Variants in NOS3 observed in about 807,000 individuals in gnomAD.
The protein encoded by NOS3 is nitric oxide synthase 3, also known as NOS type III.
In NOS3, 98 loss-of-function variants were observed where a neutral mutation model predicts 144.9. The observed-to-expected ratio is 0.68, with a 90% CI of 0.57 to 0.80. The LOEUF is 0.80. NOS3 is among the 30% of genes least tolerant of loss of function. NOS3 has a pLI of 0.00. For missense variants in NOS3, 1,465 were observed against 1,656.4 expected (o/e 0.88, Z 2.01); for synonymous variants, 714 against 702.4 (o/e 1.02, Z -0.26).
In NOS3 at chr7:150,998,375, T is replaced by C. The variant is rs770195521; in HGVS notation, c.601T>C (p.Cys201Arg). 6.2e-7 allele frequency: 1 copy of C among 1,612,284 alleles called. No individual in the cohort carries two copies. The highest frequency in any genetic ancestry group is 8.5e-7 in the Non-Finnish European group (1 of 1,179,824). Residue 201 changes from cysteine (C) to arginine (R), a missense_variant, in exon 6 of 27, where the codon TGC (cysteine) becomes CGC (arginine). Transcript: ENST00000297494. This position sits in a 1 kb window ranked among gnomAD's most constrained non-coding sequence, Gnocchi z 5.0. ...GGCTCAGGTGTTCGATGCCCGGGACTGCAGGTCTGCACAGGAAATGTTCAC... is the reference window on the plus strand; with the variant it reads ...GGCTCAGGTGTTCGATGCCCGGGACCGCAGGTCTGCACAGGAAATGTTCAC... ...GKLQVFDARD[C>R]RSAQEMFTYI...
rs745744386 is a variant in NOS3, at chr7:151,009,200, G to C, written c.2257G>C (p.Val753Leu). 1 of 1,613,250 alleles carries C rather than the reference G, an allele frequency of 6.2e-7. No homozygotes were observed. The highest frequency in any genetic ancestry group is 1.7e-5 in the Admixed American group (1 of 59,942). Residue 753 changes from valine to leucine, a missense_variant, in exon 19 of 27, where the codon GTG becomes CTG. Transcript: ENST00000297494. The part of the protein sequence containing the change: ...GLQLLPGLIH[V>L]HRRKMFQATI... Reference sequence around the variant, plus strand: ...CTCCCCGCCCCCAGGTCTGATCCACGTGCACAGGCGGAAGATGTTCCAGGC... The same window carrying C: ...CTCCCCGCCCCCAGGTCTGATCCACCTGCACAGGCGGAAGATGTTCCAGGC...
chr7:150,995,036 C>T (rs984507659), intron 2 of NOS3, among the ~76,000 whole-genome samples, 167 bp from the exon 3 acceptor site: 13 of 152,156 alleles, frequency 8.5e-5, no homozygotes, highest in African/African-American at 2.4e-4. Flanking sequence ...GGTCTATAAA[C>T]GGAGGCACAG....
chr7:150,995,065 G>A, intron 2 of NOS3, 138 bp from the exon 3 acceptor site: 3 of 570,476 alleles, frequency 5.3e-6, no homozygotes, highest in Non-Finnish European at 6.4e-6. Context: ...TAGCTCCTAA[G>A]GCATGGGGAA....
rs763096145 is a variant in NOS3 at position 150,998,382 on chromosome 7, C to A, written c.608C>A (p.Ser203Tyr). 3.7e-6 allele frequency: 6 copies of A among 1,612,388 alleles called. No individual in the cohort carries two copies. The highest frequency in any genetic ancestry group is 5.1e-6 in the Non-Finnish European group (6 of 1,179,828). The change falls in exon 6 of 27, where the codon TCT becomes TAT. Residue 203 changes from serine (S) to tyrosine (Y), a missense_variant. Coordinates refer to ENST00000297494, the MANE Select transcript of NOS3 (RefSeq NM_000603.5). This position sits in a 1 kb window ranked among gnomAD's most constrained non-coding sequence, Gnocchi z 5.0. ...LQVFDARDCRSAQEMFTYICN... is the reference protein window; with the variant it reads ...LQVFDARDCRYAQEMFTYICN... Reference sequence around the variant, plus strand: ...GTGTTCGATGCCCGGGACTGCAGGTCTGCACAGGAAATGTTCACCTACATC... The same window carrying A: ...GTGTTCGATGCCCGGGACTGCAGGTATGCACAGGAAATGTTCACCTACATC...
chr7:151,010,050 C>A, intron 20 of NOS3, 65 bp from the exon 21 acceptor site: 3 of 1,024,590 alleles, frequency 2.9e-6, no homozygotes, highest in Non-Finnish European at 4.5e-6. Context: ...AAAACACAAA[C>A]ATCAGCCCAG....
intron 24 of NOS3, 176 bp downstream of exon 24, chr7:151,012,648 A>C: frequency 6.0e-6 from 4 of 667,268 alleles, no homozygotes; most frequent in Non-Finnish European, 9.8e-6. Flanking sequence ...CTGGGCCCTG[A>C]GCTTCTGGCT....
In NOS3 at chr7:150,993,781, C is replaced by T. The variant is rs1428418449; in HGVS notation, c.-23C>T. The T allele has an allele frequency of 6.3e-7, 1 of 1,579,548 alleles. No homozygotes were observed. Among genetic ancestry groups the T allele is most frequent in the South Asian group, 1.2e-5 (1 of 85,762 alleles). On this transcript the variant is annotated 5_prime_UTR_variant, in exon 2 of 27. Coordinates refer to ENST00000297494, the MANE Select transcript of NOS3 (RefSeq NM_000603.5). The surrounding 1 kb of genome is among the most constrained non-coding windows in gnomAD (Gnocchi z 4.0). ...AAGGCCAGGGCTCTGCTGGAGCAGG[C>T]AGCAGAGTGGACGCACAGTAACATG...
Position 151,003,097 on chromosome 7 carries a change from T to C in NOS3, c.1752+793T>C. On this transcript the variant is annotated intron_variant, in intron 14 of 26. Transcript: ENST00000297494. This position sits in a 1 kb window ranked among gnomAD's most constrained non-coding sequence, Gnocchi z 4.1. Reference sequence around the variant, plus strand: ...TCCAGCTTCTAGGTGTTAAAGGCCTTATTAGCACTAAGTACTTCCTCAGTA... The same window carrying C: ...TCCAGCTTCTAGGTGTTAAAGGCCTCATTAGCACTAAGTACTTCCTCAGTA... 4.5e-6 allele frequency: 2 copies of C among 440,392 alleles called. No homozygotes were observed. Among genetic ancestry groups the C allele is most frequent in the South Asian group, 3.3e-5 (2 of 61,102 alleles). The allele number at this position is 440,392 out of a possible 1,614,324, so 27.3% of individuals were successfully genotyped here. A position where few individuals can be genotyped will look rare whatever the true frequency, so the allele number is the denominator to read the frequency against.
At position 150,993,404 on chromosome 7, in the gene NOS3, C is replaced by G. The variant is rs1181571503; in HGVS notation, c.-51-349C>G. Among the ~76,000 whole-genome samples, 1 of 152,186 alleles carries G rather than the reference C, an allele frequency of 6.6e-6. No homozygotes were observed. The highest frequency in any genetic ancestry group is 1.5e-5 in the Non-Finnish European group (1 of 68,012). ...CTGCCCAACCCTCCAGGGAAAGGCA[C>G]ACAGGGGTGAGGCCGAAGGCCCTTC... On this transcript the variant is annotated intron_variant, in intron 1 of 26. Transcript: ENST00000297494. This position sits in a 1 kb window ranked among gnomAD's most constrained non-coding sequence, Gnocchi z 4.0.
intron 10 of NOS3, 104 bp downstream of exon 10, chr7:151,000,703 T>C: frequency 2.7e-6 from 2 of 752,996 alleles, no homozygotes; most frequent in Non-Finnish European, 4.6e-6. Flanking sequence ...GGGCAGGATT[T>C]GGACAGGCAG....
chr7:151,004,543 AT>A (rs1170835613), intron 14 of NOS3, among the ~76,000 whole-genome samples: 1 of 152,240 alleles, frequency 6.6e-6, no homozygotes, highest in African/African-American at 2.4e-5. Context: ...ACTGGAAACA[AT>A]TCAAATGACC....
intron 25 of NOS3, 78 bp from the exon 26 acceptor site, chr7:151,013,646 C>A: frequency 7.4e-7 from 1 of 1,349,288 alleles, no homozygotes; most frequent in Non-Finnish European, 1.0e-6. Flanking sequence ...CTTTCACGTC[C>A]AGGGCCAGCC....
At chr7:151,013,561 T>G in intron 25 of NOS3, 163 bp from the exon 26 acceptor site, 4 of 287,952 alleles carry the variant, frequency 1.4e-5, no homozygotes, top group South Asian at 4.1e-5. Context: ...CTCCCGCCCC[T>G]GCCCCGCCCC....
rs764652925 is a variant in NOS3 at position 150,993,921 on chromosome 7, C to T, written c.118C>T (p.Arg40Trp). 8.7e-5 allele frequency: 137 copies of T among 1,580,706 alleles called. No homozygotes were observed. Among genetic ancestry groups the T allele is most frequent in the Middle Eastern group, 1.9e-4 (1 of 5,132 alleles). Residue 40 changes from arginine (R) to tryptophan (W), a missense_variant, in exon 2 of 27, where the codon CGG (arginine) becomes TGG (tryptophan). Coordinates refer to ENST00000297494, the MANE Select transcript of NOS3 (RefSeq NM_000603.5). The surrounding 1 kb of genome is among the most constrained non-coding windows in gnomAD (Gnocchi z 4.0). The stretch of plus-strand genomic sequence containing the variant: ...AGCCACCCCGGCCCCTGAGCCCAGC[C>T]GGGCCCCAGCATCCCTACTCCCACC... ...GPATPAPEPS[R>W]APASLLPPAP...
chr7:150,995,321 C>T lies in NOS3; in HGVS notation c.270+7C>T. 1 of 1,589,986 alleles carries T rather than the reference C, an allele frequency of 6.3e-7. No individual in the cohort carries two copies. Among genetic ancestry groups the T allele is most frequent in the Non-Finnish European group, 8.6e-7 (1 of 1,160,282 alleles). The stretch of plus-strand genomic sequence containing the variant: ...CAGCGCCCAGGCGCAGCAGGTAAGG[C>T]CGGCATGCCCTGTCCCCATCGTCTC... On this transcript the variant is annotated splice_region_variant and intron_variant, in intron 3 of 26. Coordinates refer to ENST00000297494, the MANE Select transcript of NOS3 (RefSeq NM_000603.5).
chr7:150,996,897 T>C lies in NOS3; in HGVS notation c.554T>C (p.Val185Ala), dbSNP rs768422710. The C allele has an allele frequency of 3.8e-6, 6 of 1,579,316 alleles. No individual in the cohort carries two copies. The African/African-American group carries it at 8.1e-5, about 21-fold the overall frequency. The change falls in exon 5 of 27, where the codon GTG becomes GCG. Residue 185 changes from valine (V) to alanine (A), a missense_variant. This residue lies in a region of NOS3 where 374 missense variants were observed against 377.0 expected (regional missense o/e 0.99). Transcript: ENST00000297494. ...KQAWRNAPRC[V>A]GRIQWGKLQV... ...GCCTGGCGCAACGCTCCCCGCTGCG[T>C]GGGCCGGATCCAGTGGGGGAAGCTG...
rs544148063 is a variant in NOS3 at position 151,002,869 on chromosome 7, T to G, written c.1752+565T>G. The G allele has an allele frequency of 1.4e-5, 3 of 208,604 alleles. No individual in the cohort carries two copies. Among genetic ancestry groups the G allele is most frequent in the African/African-American group, 2.4e-5 (1 of 41,764 alleles). The allele number at this position is 208,604 out of a possible 1,614,324, so 12.9% of individuals were successfully genotyped here. A position where few individuals can be genotyped will look rare whatever the true frequency, so the allele number is the denominator to read the frequency against. The stretch of plus-strand genomic sequence containing the variant: ...TACGTTGCCCAGGCTGGCCTTGAAC[T>G]CCTAGCCTCAAGAGATCCTCCTGCC... On this transcript the variant is annotated intron_variant, in intron 14 of 26. Coordinates refer to ENST00000297494, the MANE Select transcript of NOS3 (RefSeq NM_000603.5). The surrounding 1 kb of genome is among the most constrained non-coding windows in gnomAD (Gnocchi z 4.1).
Position 151,000,575 on chromosome 7 carries a change from C to T in NOS3, c.1209C>T (p.Asn403=), listed in dbSNP as rs368047022. The change falls in exon 10 of 27, where the codon AAC becomes AAT. Residue 403 remains asparagine, a synonymous_variant. Coordinates refer to ENST00000297494, the MANE Select transcript of NOS3 (RefSeq NM_000603.5). ...LWKDKAAVEI[N]VAVLHSYQLA... Reference sequence around the variant, plus strand: ...AAGACAAGGCAGCAGTGGAAATCAACGTGGCCGTGCTGCACAGTTACCAGG... The same window carrying T: ...AAGACAAGGCAGCAGTGGAAATCAATGTGGCCGTGCTGCACAGTTACCAGG... 2.2e-5 allele frequency: 36 copies of T among 1,612,886 alleles called. No homozygotes were observed. The highest frequency in any genetic ancestry group is 6.7e-5 in the African/African-American group (5 of 74,920).
At chr7:151,006,646 T>C in intron 15 of NOS3, 152 bp downstream of exon 15, 1 of 729,826 alleles carries the variant, frequency 1.4e-6, no homozygotes, top group Non-Finnish European at 2.3e-6. Context: ...CAGGCTGCAA[T>C]GGCAGTCCAG....
Sources: allele counts gnomAD v4.1 joint callset (sites outside exome capture counted in the v4.1 genomes callset), GRCh38; gene constraint gnomAD v4.1.1; regional missense constraint gnomAD v4.1.1; non-coding constraint Gnocchi (gnomAD v3.1); transcripts MANE v1.5; gene names NCBI Gene and HGNC (gene_info 2026-07-23, HGNC 2026-07-21).